PTPRD: variants seen among roughly 807,000 people sequenced by gnomAD.
PTPRD encodes protein tyrosine phosphatase receptor type D, also known as receptor-type tyrosine-protein phosphatase delta.
Under a neutral mutation model 214.5 loss-of-function variants are expected in PTPRD, and 34 were observed. The observed-to-expected ratio is 0.16, with a 90% CI of 0.12 to 0.21. The LOEUF is 0.21. PTPRD is among the 10% of genes least tolerant of loss of function. PTPRD has a pLI of 1.00. For missense variants in PTPRD, 2,545 were observed against 2,398.7 expected (o/e 1.06, Z -1.27); for synonymous variants, 1,128 against 845.7 (o/e 1.33, Z -5.79).
At chr9:10,438,479 GACTTCA>G (rs1333537459) in intron 2 of PTPRD, among the ~76,000 whole-genome samples, 2 of 151,698 alleles carry the variant, frequency 1.3e-5, no homozygotes, top group African/African-American at 2.4e-5. Flanking sequence ...ATCAGAGATA[GACTTCA>G]ACTTCAAGTA....
At chr9:9,401,009 T>C (rs2070194284) in intron 8 of PTPRD, among the ~76,000 whole-genome samples, 1 of 152,080 alleles carries the variant, frequency 6.6e-6, no homozygotes, top group Non-Finnish European at 1.5e-5. Flanking sequence ...TGTGATCATA[T>C]GATTTGTTGG....
chr9:10,283,368 G>C (rs988141398), intron 3 of PTPRD, among the ~76,000 whole-genome samples: 4 of 152,082 alleles, frequency 2.6e-5, no homozygotes, highest in African/African-American at 7.2e-5. Flanking sequence ...AGTCCATAAA[G>C]GCAAAGACAA....
At chr9:10,355,018 T>C (rs1037212473) in intron 2 of PTPRD, among the ~76,000 whole-genome samples, 9 of 152,232 alleles carry the variant, frequency 5.9e-5, no homozygotes, top group Non-Finnish European at 1.2e-4. Flanking sequence ...AATGTATTAT[T>C]TCTCTTAAAT....
intron 6 of PTPRD, among the ~76,000 whole-genome samples, chr9:9,750,484 AC>A (rs1318421210): frequency 6.6e-6 from 1 of 152,120 alleles, no homozygotes; most frequent in Non-Finnish European, 1.5e-5. Context: ...CCTTTGTTTA[AC>A]CCAGTTCTGC....
chr9:10,152,286 AT>A (rs1289703364), intron 3 of PTPRD, among the ~76,000 whole-genome samples: 3 of 152,148 alleles, frequency 2.0e-5, no homozygotes, highest in Non-Finnish European at 4.4e-5. Context: ...AATTTTGAAT[AT>A]CTTTTTTATG....
chr9:9,545,380 C>CAT (rs1183735829), intron 8 of PTPRD, among the ~76,000 whole-genome samples: 1 of 151,784 alleles, frequency 6.6e-6, no homozygotes, highest in East Asian at 1.9e-4. Context: ...TCTAGAATGT[C>CAT]ATATAGTTTG....
chr9:10,291,239 A>G (rs1211552138), intron 3 of PTPRD, among the ~76,000 whole-genome samples: 2 of 150,620 alleles, frequency 1.3e-5, no homozygotes, highest in African/African-American at 5.0e-5. Context: ...GCCATCATGC[A>G]GTCACCAGGA....
At chr9:8,769,410 G>C (rs756165994) in intron 11 of PTPRD, among the ~76,000 whole-genome samples, 1 of 152,214 alleles carries the variant, frequency 6.6e-6, no homozygotes, top group African/African-American at 2.4e-5. Context: ...TAACCTGAGA[G>C]TGTTTTCAGT....
At chr9:8,558,244 A>G (rs544479982) in intron 14 of PTPRD, among the ~76,000 whole-genome samples, 1 of 152,336 alleles carries the variant, frequency 6.6e-6, no homozygotes, top group East Asian at 1.9e-4. Flanking sequence ...AACGGAGACA[A>G]CTAAAGATGT....
intron 7 of PTPRD, among the ~76,000 whole-genome samples, chr9:9,674,069 C>T (rs1298559590): frequency 6.6e-6 from 1 of 151,598 alleles, no homozygotes; most frequent in Non-Finnish European, 1.5e-5. Context: ...GAAAGATAGT[C>T]TGAACTACAA....
chr9:9,319,077 G>A (rs1003599789), intron 9 of PTPRD, among the ~76,000 whole-genome samples: 1 of 152,182 alleles, frequency 6.6e-6, no homozygotes, highest in African/African-American at 2.4e-5. Flanking sequence ...TAGGCTTGAC[G>A]AAAAGGATTG....
chr9:8,492,189 G>T (rs566008179), intron 27 of PTPRD, among the ~76,000 whole-genome samples: 1 of 152,022 alleles, frequency 6.6e-6, no homozygotes, highest in Non-Finnish European at 1.5e-5. Flanking sequence ...CCCACAGCAG[G>T]GGGTGGGGAA....
chr9:10,214,218 T>C (rs1297614319), intron 3 of PTPRD, among the ~76,000 whole-genome samples: 2 of 152,082 alleles, frequency 1.3e-5, no homozygotes, highest in Non-Finnish European at 2.9e-5. Flanking sequence ...GAAATTCCCA[T>C]CTACAAGTAT....
chr9:9,791,297 C>T lies in PTPRD; in HGVS notation c.-367-24446G>A, dbSNP rs191055849. On this transcript the variant is annotated intron_variant, in intron 5 of 45. Transcript: ENST00000381196. ...TCTGGAATTATTTGTTAACTGCACA[C>T]GTTTGTTCTTTAAGAAATTCATAAG... Among the ~76,000 whole-genome samples, 169 of 152,052 alleles carry T rather than the reference C, an allele frequency of 1.1e-3. 1 individual carries two copies. The highest frequency in any genetic ancestry group is 6.2e-4 in the Non-Finnish European group (42 of 67,938).
At chr9:9,141,105 C>T (rs1041681762) in intron 10 of PTPRD, among the ~76,000 whole-genome samples, 6 of 150,502 alleles carry the variant, frequency 4.0e-5, no homozygotes, top group Admixed American at 2.0e-4. Flanking sequence ...CCCTTCTCTT[C>T]TTCCTTCTCC....
intron 11 of PTPRD, among the ~76,000 whole-genome samples, chr9:8,868,365 A>T (rs1179967615): frequency 6.6e-6 from 1 of 151,290 alleles, no homozygotes; most frequent in Admixed American, 6.6e-5. Context: ...CACCTAACTA[A>T]TTTTTTTTTG....
intron 3 of PTPRD, among the ~76,000 whole-genome samples, chr9:10,228,002 T>A (rs944493536): frequency 1.3e-5 from 2 of 152,010 alleles, no homozygotes; most frequent in Admixed American, 1.3e-4. Flanking sequence ...ACAGAAAGGC[T>A]AAAGTAAAAA....
intron 3 of PTPRD, among the ~76,000 whole-genome samples, chr9:10,312,072 T>C (rs1239986432): frequency 1.3e-5 from 2 of 151,968 alleles, no homozygotes; most frequent in Non-Finnish European, 2.9e-5. Context: ...GAGTTGTGGC[T>C]ACTTAAAAAA....
intron 6 of PTPRD, among the ~76,000 whole-genome samples, chr9:9,753,942 C>G (rs569806237): frequency 3.4e-4 from 51 of 152,138 alleles, no homozygotes; most frequent in African/African-American, 1.2e-3. Context: ...CTCAAATAGA[C>G]TCAGATGTTC....
Sources: allele counts gnomAD v4.1 joint callset (sites outside exome capture counted in the v4.1 genomes callset), GRCh38; gene constraint gnomAD v4.1.1; transcripts MANE v1.5; gene names NCBI Gene and HGNC (gene_info 2026-07-23, HGNC 2026-07-21).